The following BFSP1 variants were observed in gnomAD, a reference collection of about 807,000 sequenced individuals.
BFSP1 encodes filensin.
BFSP1 carries 38 observed loss-of-function variants against 43.9 expected under a neutral mutation model. The ratio of observed to expected loss-of-function variants is 0.87; its 90% CI spans 0.67 to 1.14. BFSP1 has a LOEUF of 1.14. Ranked by LOEUF, BFSP1 falls within the 50% of genes most tolerant of loss-of-function variation. BFSP1 has a pLI of 0.00. For synonymous variants in BFSP1, 352 were observed against 354.8 expected (o/e 0.99, Z 0.09); for missense variants, 850 against 875.1 (o/e 0.97, Z 0.36).
At chr20:17,508,681 T>C (rs906225789) in intron 5 of BFSP1, among the ~76,000 whole-genome samples, 7 of 152,080 alleles carry the variant, frequency 4.6e-5, no homozygotes, top group Admixed American at 6.5e-5. Context: ...GTCCCCCAGC[T>C]CAGGACTCTC....
chr20:17,526,881 G>A (rs1008170933), intron 1 of BFSP1, among the ~76,000 whole-genome samples: 7 of 152,184 alleles, frequency 4.6e-5, no homozygotes, highest in African/African-American at 1.2e-4. Flanking sequence ...TTGGTCTGAA[G>A]TGGGTCAATG....
chr20:17,500,019 C>CA (rs11484130), intron 5 of BFSP1, among the ~76,000 whole-genome samples: 23,023 of 152,136 alleles, frequency 0.15, 2,049 homozygotes, highest in Middle Eastern at 0.21. Flanking sequence ...AATCTGATAG[C>CA]AAAAAAATAA....
chr20:17,514,591 T>C, intron 3 of BFSP1, 130 bp downstream of exon 3: 1 of 854,782 alleles, frequency 1.2e-6, no homozygotes, highest in South Asian at 1.5e-5. Context: ...TTCACCCCTA[T>C]TTGGTTCGAG....
At chr20:17,558,367 G>C (rs1353097558) in intron 1 of BFSP1, among the ~76,000 whole-genome samples, 1 of 152,120 alleles carries the variant, frequency 6.6e-6, no homozygotes, top group South Asian at 2.1e-4. Flanking sequence ...AACTTTGGCC[G>C]TTCAAGAAGG....
intron 5 of BFSP1, among the ~76,000 whole-genome samples, chr20:17,501,244 CT>C (rs1400728848): frequency 6.6e-6 from 1 of 152,204 alleles, no homozygotes; most frequent in African/African-American, 2.4e-5. Context: ...CATGAAATTC[CT>C]TAAGTGAAAA....
chr20:17,553,866 TATATACATATATATATATAC>T (rs2034946130), intron 1 of BFSP1, among the ~76,000 whole-genome samples: 5 of 128,628 alleles, frequency 3.9e-5, no homozygotes, highest in African/African-American at 9.9e-5. Flanking sequence ...TATACACATA[TATATACATATATATATATAC>T]ACACATATAT....
At chr20:17,520,210 G>GCGCCCCCCCCCCCCCCCCCCC in intron 2 of BFSP1, among the ~76,000 whole-genome samples, 1 of 133,426 alleles carries the variant, frequency 7.5e-6, no homozygotes, top group African/African-American at 3.0e-5. Flanking sequence ...GTTTTAACGT[G>GCGCCCCCCCCCCCCCCCCCCC]CCCCCCCACC....
intron 7 of BFSP1, among the ~76,000 whole-genome samples, chr20:17,495,648 A>C (rs1259199695): frequency 6.6e-6 from 1 of 152,158 alleles, no homozygotes; most frequent in East Asian, 1.9e-4. Flanking sequence ...GATGCTATGA[A>C]ATTCAGAAAT....
upstream of BFSP1, chr20:17,563,233 A>G (rs1050437015): frequency 6.6e-6 from 1 of 152,374 alleles, no homozygotes; most frequent in Non-Finnish European, 1.5e-5. Flanking sequence ...AGAACAGACC[A>G]TGTTTCCCAG....
chr20:17,525,018 G>A lies in BFSP1; in HGVS notation c.378-110C>T. On this transcript the variant is annotated intron_variant, in intron 1 of 7. Transcript: ENST00000377873. The surrounding 1 kb of genome is among the most constrained non-coding windows in gnomAD (Gnocchi z 4.2). Reference sequence around the variant, plus strand: ...TGGGTACGATGCCCTCTCCTTTAAGGAGAGGGTCTTAATTTTAAAGTAGTA... The same window carrying A: ...TGGGTACGATGCCCTCTCCTTTAAGAAGAGGGTCTTAATTTTAAAGTAGTA... The A allele has an allele frequency of 1.1e-6, 1 of 934,586 alleles. No homozygotes were observed. The highest frequency in any genetic ancestry group is 1.7e-6 in the Non-Finnish European group (1 of 571,446). 57.9% of individuals were successfully genotyped at this position (934,586 alleles called of 1,614,324 possible).
Position 17,507,656 on chromosome 20 carries a change from C to T in BFSP1, c.735+1233G>A, listed in dbSNP as rs189623238. Reference sequence around the variant, plus strand: ...ACCATGTATATCACACACACACACCCCATGTACACAAACACATACAACCCT... The same window carrying T: ...ACCATGTATATCACACACACACACCTCATGTACACAAACACATACAACCCT... On this transcript the variant is annotated intron_variant, in intron 5 of 7. Coordinates refer to ENST00000377873, the MANE Select transcript of BFSP1 (RefSeq NM_001195.5). The surrounding 1 kb of genome is among the most constrained non-coding windows in gnomAD (Gnocchi z 4.4). 2.1e-4 allele frequency among the ~76,000 whole-genome samples: 32 copies of T among 152,170 alleles called. No homozygotes were observed. The East Asian group carries it at 4.8e-3, about 23-fold the overall frequency.
intron 1 of BFSP1, among the ~76,000 whole-genome samples, chr20:17,556,284 C>T (rs2123593919): frequency 6.6e-6 from 1 of 152,148 alleles, no homozygotes; most frequent in Non-Finnish European, 1.5e-5. Flanking sequence ...GAGAGGACTG[C>T]TTGAGGCCAG....
intron 4 of BFSP1, among the ~76,000 whole-genome samples, chr20:17,509,240 G>C (rs1377905457): frequency 6.6e-6 from 1 of 151,250 alleles, no homozygotes; most frequent in African/African-American, 2.4e-5. Context: ...AGAGACACCA[G>C]AGCCCCCACC....
At chr20:17,563,888 A>T, upstream of BFSP1, among the ~76,000 whole-genome samples, 1 of 140,710 alleles carries the variant, frequency 7.1e-6, no homozygotes, top group African/African-American at 2.6e-5. Flanking sequence ...CCGTGTCTAA[A>T]AAAAAAAAAA....
chr20:17,513,602 C>G (rs1766098844), intron 3 of BFSP1, among the ~76,000 whole-genome samples: 1 of 152,164 alleles, frequency 6.6e-6, no homozygotes, highest in African/African-American at 2.4e-5. Flanking sequence ...CAGGTACACA[C>G]TGAGGTAGGA....
intron 4 of BFSP1, among the ~76,000 whole-genome samples, chr20:17,510,345 C>T (rs747048365): frequency 2.6e-5 from 4 of 152,080 alleles, no homozygotes; most frequent in Non-Finnish European, 4.4e-5. Flanking sequence ...AAGGTATGCT[C>T]GGATGTAAAA....
At chr20:17,503,647 G>A (rs1237874476) in intron 5 of BFSP1, among the ~76,000 whole-genome samples, 1 of 152,158 alleles carries the variant, frequency 6.6e-6, no homozygotes, top group African/African-American at 2.4e-5. Flanking sequence ...CCTGAACAAG[G>A]TCTGAAACAC....
chr20:17,514,802 GGCTTCATCAGCTTCCTGC>G lies in BFSP1; in HGVS notation c.439-4_452del. 1 of 1,613,788 alleles carries G rather than the reference GGCTTCATCAGCTTCCTGC, an allele frequency of 6.2e-7. No individual in the cohort carries two copies. The highest frequency in any genetic ancestry group is 1.1e-5 in the South Asian group (1 of 91,062). On this transcript the variant is annotated splice_acceptor_variant and splice_polypyrimidine_tract_variant and coding_sequence_variant and intron_variant, in exon 3 of 8. Coordinates refer to ENST00000377873, the MANE Select transcript of BFSP1 (RefSeq NM_001195.5). LOFTEE classifies it high-confidence loss of function. The stretch of plus-strand genomic sequence containing the variant: ...GCTGAAGGCGTAGGTTATGCAGCAA[GGCTTCATCAGCTTCCTGC>G]AATGAGAGCCACATATCCCTGGCCA...
At chr20:17,504,635 A>G (rs971856869) in intron 5 of BFSP1, among the ~76,000 whole-genome samples, 1 of 152,252 alleles carries the variant, frequency 6.6e-6, no homozygotes, top group African/African-American at 2.4e-5. Context: ...GGGAGGTCCC[A>G]GAAACTGCAG....
Sources: allele counts gnomAD v4.1 joint callset (sites outside exome capture counted in the v4.1 genomes callset), GRCh38; gene constraint gnomAD v4.1.1; non-coding constraint Gnocchi (gnomAD v3.1); transcripts MANE v1.5; gene names NCBI Gene and HGNC (gene_info 2026-07-23, HGNC 2026-07-21).